The following ABHD17B variants were observed in gnomAD, a reference collection of about 807,000 sequenced individuals.
ABHD17B encodes the protein abhydrolase domain containing 17B, depalmitoylase.
A neutral mutation model predicts 26.2 loss-of-function variants in ABHD17B; 9 were observed. The observed-to-expected ratio is 0.34, with a 90% CI of 0.21 to 0.60. The LOEUF (loss-of-function observed/expected upper bound fraction) is 0.60, where lower values mean the gene tolerates loss of function less well. Among genes scored for constraint, ABHD17B ranks in the 20% least tolerant of loss-of-function variants. The pLI is 0.80. For missense variants in ABHD17B, 224 were observed against 352.1 expected (o/e 0.64, Z 2.91); for synonymous variants, 127 against 122.3 (o/e 1.04, Z -0.25).
intron 3 of ABHD17B, among the ~76,000 whole-genome samples, chr9:71,867,306 T>C (rs1272421390): frequency 6.6e-6 from 1 of 152,214 alleles, no homozygotes; most frequent in Non-Finnish European, 1.5e-5. Flanking sequence ...CAGAGAAACT[T>C]AGGTGTCCAG....
At chr9:71,907,459 G>A (rs1165108921) in intron 1 of ABHD17B, among the ~76,000 whole-genome samples, 2 of 152,102 alleles carry the variant, frequency 1.3e-5, no homozygotes, top group African/African-American at 4.8e-5. Flanking sequence ...ATATCGGGGG[G>A]AAAAGGGAAC....
chr9:71,869,289 T>C (rs942450158), intron 3 of ABHD17B, among the ~76,000 whole-genome samples: 1 of 152,206 alleles, frequency 6.6e-6, no homozygotes, highest in Non-Finnish European at 1.5e-5. Flanking sequence ...GAAAATTCTG[T>C]GTTTTTAAAA....
intron 3 of ABHD17B, among the ~76,000 whole-genome samples, chr9:71,868,150 C>T (rs554516856): frequency 1.3e-5 from 2 of 151,690 alleles, no homozygotes; most frequent in East Asian, 1.9e-4. Context: ...ACCCTGGAGG[C>T]AGAGGTTGCA....
At chr9:71,877,989 G>C (rs1826328608) in intron 1 of ABHD17B, among the ~76,000 whole-genome samples, 1 of 152,092 alleles carries the variant, frequency 6.6e-6, no homozygotes, top group Admixed American at 6.6e-5. Context: ...AAGAGGCCTG[G>C]TATAGGGCAG....
intron 1 of ABHD17B, among the ~76,000 whole-genome samples, chr9:71,875,386 C>CCA (rs1826241275): frequency 6.6e-6 from 1 of 152,056 alleles, no homozygotes; most frequent in Non-Finnish European, 1.5e-5. Context: ...CCACCACACC[C>CCA]GGTTAATTTT....
chr9:71,882,657 C>CA lies in ABHD17B; in HGVS notation c.-3-7575dup, dbSNP rs1383637885. ...TGGGCAACAGACTGAGATTCCATTT[C>CA]AAAAAAAAAAAAACCAAGAAAACAA... is the stretch of plus-strand genomic sequence containing the variant. On this transcript the variant is annotated intron_variant, in intron 1 of 3. Transcript: ENST00000333421. Among the ~76,000 whole-genome samples, 820 of 102,748 alleles carry CA rather than the reference C, an allele frequency of 8.0e-3. 5 individuals are homozygous for CA. The highest frequency in any genetic ancestry group is 9.1e-3 in the East Asian group (32 of 3,498). 67.4% of individuals were successfully genotyped at this position (102,748 alleles called of 152,430 possible).
In ABHD17B at chr9:71,865,214, CT is replaced by C; in HGVS notation, c.*1572del. 1 of 985,490 alleles carries C rather than the reference CT, an allele frequency of 1.0e-6. No homozygotes were observed. The highest frequency in any genetic ancestry group is 1.2e-6 in the Non-Finnish European group (1 of 829,822). 61.0% of individuals were successfully genotyped at this position (985,490 alleles called of 1,614,324 possible). On this transcript the variant is annotated 3_prime_UTR_variant, in exon 4 of 4. Transcript: ENST00000333421. ...CATCTGAACCAAAGCATTCACAATA[CT>C]TGATATACTTTGAAGAGAGTCATAT...
At chr9:71,896,446 T>C (rs1214672081) in intron 1 of ABHD17B, among the ~76,000 whole-genome samples, 2 of 152,130 alleles carry the variant, frequency 1.3e-5, no homozygotes, top group Non-Finnish European at 2.9e-5. Flanking sequence ...TCAAGAGAAC[T>C]TGGTCAAGAT....
At chr9:71,882,520 T>C (rs865978528) in intron 1 of ABHD17B, among the ~76,000 whole-genome samples, 21 of 151,784 alleles carry the variant, frequency 1.4e-4, no homozygotes, top group Middle Eastern at 3.5e-3. Context: ...TTAGCTGGTG[T>C]GGTGGTGCAT....
At chr9:71,873,038 T>C (rs1276177784) in intron 2 of ABHD17B, among the ~76,000 whole-genome samples, 2 of 151,974 alleles carry the variant, frequency 1.3e-5, no homozygotes, top group Non-Finnish European at 2.9e-5. Flanking sequence ...TACTTTATTA[T>C]TAAAATTGAG....
intron 2 of ABHD17B, among the ~76,000 whole-genome samples, chr9:71,871,666 T>C (rs939547223): frequency 1.3e-5 from 2 of 151,994 alleles, no homozygotes; most frequent in Non-Finnish European, 2.9e-5. Context: ...CTCACAAGAG[T>C]AACAACTGCC....
intron 2 of ABHD17B, among the ~76,000 whole-genome samples, chr9:71,871,619 G>C (rs1028863629): frequency 6.6e-6 from 1 of 152,220 alleles, no homozygotes; most frequent in Non-Finnish European, 1.5e-5. Context: ...CTCAAGGATA[G>C]AGTCGCAGAG....
intron 1 of ABHD17B, among the ~76,000 whole-genome samples, chr9:71,879,176 C>CA (rs1041926515): frequency 3.3e-5 from 5 of 151,852 alleles, no homozygotes; most frequent in Admixed American, 6.6e-5. Context: ...ACAAAACAAA[C>CA]AAAAACCCCC....
chr9:71,886,060 C>T (rs536545975), intron 1 of ABHD17B, among the ~76,000 whole-genome samples: 33 of 152,250 alleles, frequency 2.2e-4, no homozygotes, highest in African/African-American at 7.9e-4. Context: ...TATTAGATTT[C>T]ATGTTAAGAA....
At chr9:71,884,946 T>C (rs575258816) in intron 1 of ABHD17B, among the ~76,000 whole-genome samples, 5 of 152,298 alleles carry the variant, frequency 3.3e-5, no homozygotes, top group South Asian at 2.1e-4. Flanking sequence ...TTACTATTAC[T>C]TAGGTTTTTC....
chr9:71,908,936 A>G (rs981379076), intron 1 of ABHD17B, among the ~76,000 whole-genome samples: 1 of 152,226 alleles, frequency 6.6e-6, no homozygotes. Flanking sequence ...CTGGAGTTGT[A>G]GACCAATTCA....
intron 1 of ABHD17B, among the ~76,000 whole-genome samples, chr9:71,894,436 C>G (rs966010022): frequency 2.6e-5 from 4 of 152,118 alleles, no homozygotes; most frequent in African/African-American, 9.7e-5. Context: ...ACCTCTGCCT[C>G]CTGGGTTCAA....
chr9:71,887,166 C>T (rs1826635837), intron 1 of ABHD17B, among the ~76,000 whole-genome samples: 1 of 151,922 alleles, frequency 6.6e-6, no homozygotes, highest in South Asian at 2.1e-4. Flanking sequence ...AAATAAGAGT[C>T]CTTTCTCACT....
chr9:71,873,321 T>TC (rs1265850618), intron 2 of ABHD17B, among the ~76,000 whole-genome samples: 2 of 152,136 alleles, frequency 1.3e-5, no homozygotes, highest in African/African-American at 4.8e-5. Flanking sequence ...AATTTCTAGT[T>TC]CCCCAAAATG....
Sources: gnomAD v4.1 joint callset for allele counts (sites outside exome capture counted in the v4.1 genomes callset) on GRCh38, gnomAD v4.1.1 for gene constraint, MANE v1.5 for transcripts, NCBI Gene and HGNC (gene_info 2026-07-23, HGNC 2026-07-21) for gene names.